Variants in NRG3 observed in about 807,000 individuals in gnomAD.
The protein encoded by NRG3 is neuregulin 3, also known as pro-neuregulin-3, membrane-bound isoform.
In NRG3, 31 loss-of-function variants were observed where a neutral mutation model predicts 66.9. That is an observed-to-expected ratio of 0.46 (90% CI 0.35 to 0.63). The LOEUF is 0.63. NRG3 is among the 20% of genes least tolerant of loss of function. The probability of loss-of-function intolerance (pLI) is 0.00; values close to 1 mark genes in which losing one functional copy is unlikely to be tolerated. For synonymous variants in NRG3, 393 were observed against 359.4 expected (o/e 1.09, Z -1.06); for missense variants, 910 against 878.9 (o/e 1.04, Z -0.45).
chr10:82,163,756 C>T (rs1011713164), intron 1 of NRG3, among the ~76,000 whole-genome samples: 72 of 152,002 alleles, frequency 4.7e-4, no homozygotes, highest in African/African-American at 1.7e-3. Flanking sequence ...CAAGGTAGGC[C>T]GTGGTTGATC....
At chr10:82,127,703 C>T (rs1395804393) in intron 1 of NRG3, among the ~76,000 whole-genome samples, 1 of 151,476 alleles carries the variant, frequency 6.6e-6, no homozygotes, top group East Asian at 1.9e-4. Flanking sequence ...ATCCTAGCCA[C>T]CTGTCTCCAG....
chr10:82,962,686 G>T (rs1288472058), intron 6 of NRG3, among the ~76,000 whole-genome samples: 2 of 151,844 alleles, frequency 1.3e-5, no homozygotes, highest in Non-Finnish European at 2.9e-5. Context: ...TGAAAATACA[G>T]AAATTAGCCA....
intron 2 of NRG3, among the ~76,000 whole-genome samples, chr10:82,547,239 C>T (rs1190492076): frequency 6.6e-6 from 1 of 151,820 alleles, no homozygotes; most frequent in Non-Finnish European, 1.5e-5. Flanking sequence ...AATAATGCTA[C>T]ATAATTTAAT....
chr10:82,047,897 G>A, intron 1 of NRG3, among the ~76,000 whole-genome samples: 1 of 152,090 alleles, frequency 6.6e-6, no homozygotes, highest in Non-Finnish European at 1.5e-5. Context: ...TAAAAGGATG[G>A]AGGAAGATCT....
intron 3 of NRG3, among the ~76,000 whole-genome samples, chr10:82,784,740 CTT>C (rs1481153996): frequency 6.6e-6 from 1 of 151,942 alleles, no homozygotes; most frequent in Non-Finnish European, 1.5e-5. Flanking sequence ...AATAGGAACA[CTT>C]TTACACTGTT....
At chr10:82,689,749 C>G (rs2054781915) in intron 2 of NRG3, among the ~76,000 whole-genome samples, 1 of 152,082 alleles carries the variant, frequency 6.6e-6, no homozygotes, top group Non-Finnish European at 1.5e-5. Flanking sequence ...GGACTCTGGT[C>G]TCAACTAATT....
At chr10:81,885,476 T>G (rs1842540081) in intron 1 of NRG3, among the ~76,000 whole-genome samples, 1 of 152,154 alleles carries the variant, frequency 6.6e-6, no homozygotes, top group African/African-American at 2.4e-5. Context: ...AGGGGAACAT[T>G]GGTGAGACCT....
chr10:82,000,413 G>C lies in NRG3; in HGVS notation c.823+124250G>C, dbSNP rs1415962342. On this transcript the variant is annotated intron_variant, in intron 1 of 8. Coordinates refer to ENST00000372141, the MANE Select transcript of NRG3 (RefSeq NM_001010848.4). ...TGTCATTTTGGAGTTGTGAGCCATG[G>C]GGTAACATTGTCAGGTTTGTAGCGT... Among the ~76,000 whole-genome samples the C allele has an allele frequency of 2.0e-5, 3 of 152,166 alleles. No homozygotes were observed. The South Asian group carries it at 6.2e-4, about 32-fold the overall frequency.
At chr10:81,947,792 C>A (rs1848984637) in intron 1 of NRG3, among the ~76,000 whole-genome samples, 2 of 152,054 alleles carry the variant, frequency 1.3e-5, no homozygotes, top group South Asian at 4.1e-4. Context: ...TCGGGGACTT[C>A]AGCACTTCAT....
intron 4 of NRG3, among the ~76,000 whole-genome samples, chr10:82,950,566 T>C (rs1358906957): frequency 6.6e-6 from 1 of 152,174 alleles, no homozygotes; most frequent in African/African-American, 2.4e-5. Context: ...TTTGTGTCCA[T>C]TTATTTTGCC....
At chr10:82,596,146 G>A (rs554879578) in intron 2 of NRG3, among the ~76,000 whole-genome samples, 3 of 152,140 alleles carry the variant, frequency 2.0e-5, no homozygotes, top group South Asian at 4.1e-4. Context: ...CTTGCAAAAG[G>A]AGCCTTTTGC....
intron 1 of NRG3, among the ~76,000 whole-genome samples, chr10:81,922,109 A>G (rs961182048): frequency 2.6e-5 from 4 of 152,268 alleles, no homozygotes; most frequent in Middle Eastern, 3.4e-3. Context: ...GACATTTTAA[A>G]TTAGGAATCA....
intron 2 of NRG3, among the ~76,000 whole-genome samples, chr10:82,436,526 C>G (rs1011650727): frequency 6.6e-6 from 1 of 152,086 alleles, no homozygotes; most frequent in African/African-American, 2.4e-5. Flanking sequence ...TGGCATTTAG[C>G]CCATTTATAT....
At chr10:82,201,196 CAAAAAAAAAAA>C (rs35232518) in intron 1 of NRG3, among the ~76,000 whole-genome samples, 65 of 78,044 alleles carry the variant, frequency 8.3e-4, no homozygotes, top group Admixed American at 1.6e-3. Context: ...GACTCTGTCT[CAAAAAAAAAAA>C]AAAAAAAAAA....
intron 1 of NRG3, among the ~76,000 whole-genome samples, chr10:82,325,788 A>C (rs1380133100): frequency 6.6e-6 from 1 of 152,114 alleles, no homozygotes; most frequent in African/African-American, 2.4e-5. Context: ...TGCATAGTAC[A>C]CTTCACTTCT....
chr10:82,857,494 C>G (rs544271100), intron 3 of NRG3, among the ~76,000 whole-genome samples: 2 of 152,132 alleles, frequency 1.3e-5, no homozygotes, highest in African/African-American at 4.8e-5. Context: ...AAAAAGCTGT[C>G]GGTTCTGATG....
chr10:82,610,676 G>C (rs1358193132), intron 2 of NRG3, among the ~76,000 whole-genome samples: 1 of 152,158 alleles, frequency 6.6e-6, no homozygotes, highest in Admixed American at 6.6e-5. Context: ...GGAAGATTTA[G>C]TGTTGGTCAT....
chr10:82,426,136 C>T (rs935519244), intron 2 of NRG3, among the ~76,000 whole-genome samples: 1 of 152,150 alleles, frequency 6.6e-6, no homozygotes, highest in Non-Finnish European at 1.5e-5. Flanking sequence ...TGAGGGCAGA[C>T]CTTTCTTAAG....
chr10:82,703,235 T>G (rs1322457417), intron 2 of NRG3, among the ~76,000 whole-genome samples: 2 of 152,188 alleles, frequency 1.3e-5, no homozygotes, highest in Non-Finnish European at 2.9e-5. Flanking sequence ...TTTAGGGGGT[T>G]CTATGCTAAC....
Sources: gnomAD v4.1 joint callset for allele counts (sites outside exome capture counted in the v4.1 genomes callset) on GRCh38, gnomAD v4.1.1 for gene constraint, MANE v1.5 for transcripts, NCBI Gene and HGNC (gene_info 2026-07-23, HGNC 2026-07-21) for gene names.